Variants in COL14A1 observed in about 807,000 individuals in gnomAD.
COL14A1 encodes collagen type XIV alpha 1 chain.
A neutral mutation model predicts 230.3 loss-of-function variants in COL14A1; 136 were observed. The observed-to-expected ratio is 0.59, with a 90% confidence interval of 0.51 to 0.68. The LOEUF is 0.68. Among genes scored for constraint, COL14A1 ranks in the 30% least tolerant of loss-of-function variants. COL14A1 has a pLI of 0.00. For missense variants in COL14A1, 1,976 were observed against 2,215.8 expected (o/e 0.89, Z 2.17); for synonymous variants, 792 against 784.1 (o/e 1.01, Z -0.17).
chr8:120,232,715 C>T (rs888230591), intron 19 of COL14A1, among the ~76,000 whole-genome samples: 3 of 152,152 alleles, frequency 2.0e-5, no homozygotes, highest in African/African-American at 7.2e-5. Flanking sequence ...GTGAGTAGTG[C>T]TGCAATAAAC....
chr8:120,189,990 G>A (rs969429874), intron 5 of COL14A1, among the ~76,000 whole-genome samples: 51 of 150,872 alleles, frequency 3.4e-4, no homozygotes, highest in Admixed American at 6.6e-4. Flanking sequence ...AGTCCTTTGG[G>A]TATATACCCA....
intron 19 of COL14A1, among the ~76,000 whole-genome samples, chr8:120,238,948 C>T (rs1458870887): frequency 6.6e-6 from 1 of 152,214 alleles, no homozygotes; most frequent in Non-Finnish European, 1.5e-5. Flanking sequence ...CACTGTCTAA[C>T]CAGTCCCAAT....
intron 6 of COL14A1, among the ~76,000 whole-genome samples, 178 bp downstream of exon 6, chr8:120,197,124 T>G (rs2130710864): frequency 6.6e-6 from 1 of 152,338 alleles, no homozygotes; most frequent in South Asian, 2.1e-4. Context: ...ATTTTTGCAA[T>G]GACACTGTCA....
At chr8:120,214,239 G>C (rs1325483362) in intron 13 of COL14A1, among the ~76,000 whole-genome samples, 1 of 152,128 alleles carries the variant, frequency 6.6e-6, no homozygotes, top group Non-Finnish European at 1.5e-5. Flanking sequence ...AATTCTAATT[G>C]CTCTTCTGTT....
rs926829283 is a variant in COL14A1, at chr8:120,245,636, A to G, written c.2479+1628A>G. On this transcript the variant is annotated intron_variant, in intron 20 of 47. Coordinates refer to ENST00000297848, the MANE Select transcript of COL14A1 (RefSeq NM_021110.4). ...AGGACTTGCTGGGAAAGTCTGCTCC[A>G]CATGGGATTGATCAGTGTCACCTGG... Among the ~76,000 whole-genome samples the G allele has an allele frequency of 3.3e-5, 5 of 152,276 alleles. No homozygotes were observed. In the East Asian group the frequency reaches 5.8e-4, roughly 18 times the overall value.
intron 12 of COL14A1, 132 bp downstream of exon 12, chr8:120,210,033 A>G (rs778634390): frequency 1.6e-6 from 1 of 633,376 alleles, no homozygotes; most frequent in Non-Finnish European, 2.3e-6. Flanking sequence ...AACACTTATA[A>G]TCCCACCACT....
intron 45 of COL14A1, among the ~76,000 whole-genome samples, chr8:120,347,933 T>G (rs1449431879): frequency 1.3e-5 from 2 of 152,294 alleles, no homozygotes; most frequent in South Asian, 4.1e-4. Context: ...ATATGGCTGT[T>G]GAGCATTCTG....
At chr8:120,216,567 A>C in intron 14 of COL14A1, 77 bp downstream of exon 14, 475 of 1,392,558 alleles carry the variant, frequency 3.4e-4, no homozygotes, top group Non-Finnish European at 4.3e-4. Flanking sequence ...CAATCATCTC[A>C]AAGCCTAGTG....
At chr8:120,190,996 C>G (rs1244528316) in intron 5 of COL14A1, among the ~76,000 whole-genome samples, 1 of 147,194 alleles carries the variant, frequency 6.8e-6, no homozygotes, top group Non-Finnish European at 1.5e-5. Flanking sequence ...AAAAAACCAG[C>G]TCCTGGATTC....
chr8:120,262,913 A>T lies in COL14A1; in HGVS notation c.2915A>T (p.His972Leu), dbSNP rs968130893. ...ESTVGGGTTR[H>L]CFYGLQPDSE... ...ACTGTGGGTGGAGGGACAACCAGGC[A>T]TTGCTTCTATGGACTTCAGCCTGAT... The change falls in exon 24 of 48, where the codon CAT becomes CTT. Residue 972 changes from histidine to leucine, a missense_variant. Physicochemically the swap from His to Leu is moderately conservative, Grantham distance 99. Around this residue, in one of 3 missense-constraint regions of COL14A1, gnomAD observed 1,791 missense variants for 2,019.5 expected, o/e 0.89. Transcript: ENST00000297848. The T allele has an allele frequency of 6.2e-7, 1 of 1,613,572 alleles. No individual in the cohort carries two copies. The highest frequency in any genetic ancestry group is 1.1e-5 in the South Asian group (1 of 90,996).
chr8:120,264,857 C>T (rs1365993118), intron 24 of COL14A1, among the ~76,000 whole-genome samples: 1 of 152,058 alleles, frequency 6.6e-6, no homozygotes, highest in African/African-American at 2.4e-5. Flanking sequence ...TCACCTGACC[C>T]CTAGAAACAT....
chr8:120,216,867 T>C (rs1001672313), intron 14 of COL14A1, among the ~76,000 whole-genome samples: 1 of 152,220 alleles, frequency 6.6e-6, no homozygotes, highest in African/African-American at 2.4e-5. Context: ...AGGAGTCCCA[T>C]GACCCATGTC....
intron 19 of COL14A1, 140 bp from the exon 20 acceptor site, chr8:120,243,739 G>A: frequency 1.1e-6 from 1 of 913,506 alleles, no homozygotes; most frequent in Non-Finnish European, 1.7e-6. Flanking sequence ...GCTTTTGCAT[G>A]AGTGCCCTTT....
In COL14A1 at chr8:120,280,976, A is replaced by G. The variant is rs771477367; in HGVS notation, c.3741A>G (p.Glu1247=). The G allele has an allele frequency of 6.2e-7, 1 of 1,612,204 alleles. No individual in the cohort carries two copies. The highest frequency in any genetic ancestry group is 1.7e-5 in the Admixed American group (1 of 59,844). ...TTGAAAAAGATTTTTCATCAGTGGA[A>G]GGGGTTTCTATGGAGCCTGGTACCT... ...GLVEKDFSSV[E]GVSMEPGTFN... The change falls in exon 31 of 48, where the codon GAA becomes GAG. Residue 1247 remains glutamate (E), a synonymous_variant. Coordinates refer to ENST00000297848, the MANE Select transcript of COL14A1 (RefSeq NM_021110.4).
chr8:120,227,540 A>G (rs1818137644), intron 17 of COL14A1, among the ~76,000 whole-genome samples, 188 bp downstream of exon 17: 1 of 152,220 alleles, frequency 6.6e-6, no homozygotes, highest in Admixed American at 6.5e-5. Context: ...TTCCTAGATA[A>G]TGATCAACAT....
At chr8:120,333,939 T>C (rs1821958640) in intron 42 of COL14A1, among the ~76,000 whole-genome samples, 1 of 152,230 alleles carries the variant, frequency 6.6e-6, no homozygotes, top group South Asian at 2.1e-4. Flanking sequence ...GGGATAATCA[T>C]AGATAATCTC....
intron 6 of COL14A1, 62 bp from the exon 7 acceptor site, chr8:120,197,749 T>C: frequency 6.4e-7 from 1 of 1,554,020 alleles, no homozygotes; most frequent in Non-Finnish European, 8.7e-7. Context: ...GTTTCTTGAG[T>C]AGCCCACTAG....
rs7844334 is a variant in COL14A1, at chr8:120,315,434, C to T, written c.4552-99C>T. 353,693 of 804,494 alleles carry T rather than the reference C, an allele frequency of 0.44. 81,249 individuals carry two copies. Among genetic ancestry groups the T allele is most frequent in the African/African-American group, 0.67 (37,532 of 56,052 alleles). The allele number at this position is 804,494 out of a possible 1,614,324, so 49.8% of individuals were successfully genotyped here. On this transcript the variant is annotated intron_variant, in intron 38 of 47. Coordinates refer to ENST00000297848, the MANE Select transcript of COL14A1 (RefSeq NM_021110.4). ...TTCTGTTTAGATGTTAGTGCAAACG[C>T]GATTTACTGTGGAAACTATTTAAAT...
intron 5 of COL14A1, among the ~76,000 whole-genome samples, chr8:120,190,019 C>T (rs1434432467): frequency 6.6e-6 from 1 of 150,724 alleles, no homozygotes; most frequent in Non-Finnish European, 1.5e-5. Context: ...ATGGCTGGGT[C>T]AAATGGTATT....
Sources: gnomAD v4.1 joint callset for allele counts (sites outside exome capture counted in the v4.1 genomes callset) on GRCh38, gnomAD v4.1.1 for gene constraint, gnomAD v4.1.1 regional missense constraint, MANE v1.5 for transcripts, NCBI Gene and HGNC (gene_info 2026-07-23, HGNC 2026-07-21) for gene names.